The following AUTS2 variants were observed in gnomAD, a reference collection of about 807,000 sequenced individuals.
AUTS2 encodes the protein autism susceptibility gene 2 protein.
Under a neutral mutation model 112.4 loss-of-function variants are expected in AUTS2, and 17 were observed. The ratio of observed to expected loss-of-function variants is 0.15; its 90% CI spans 0.10 to 0.23. AUTS2 has a LOEUF of 0.23. Among genes scored for constraint, AUTS2 ranks in the 10% least tolerant of loss-of-function variants. AUTS2 has a pLI of 1.00. For synonymous variants in AUTS2, 751 were observed against 702.7 expected, an observed-to-expected ratio of 1.07 and a Z score of -1.09; for missense variants, 1,510 against 1,701.6, an observed-to-expected ratio of 0.89 and a Z score of 1.98.
At chr7:70,411,542 G>T (rs764050977) in intron 4 of AUTS2, among the ~76,000 whole-genome samples, 1 of 152,118 alleles carries the variant, frequency 6.6e-6, no homozygotes, top group Non-Finnish European at 1.5e-5. Context: ...GTGATACTGG[G>T]ATGTTGAAGC....
intron 1 of AUTS2, among the ~76,000 whole-genome samples, chr7:69,613,988 A>G (rs1168537318): frequency 6.6e-6 from 1 of 152,160 alleles, no homozygotes; most frequent in African/African-American, 2.4e-5. Context: ...CCACCCTGTT[A>G]AGGTTTGTTT....
rs1562944224 is a variant in AUTS2, at chr7:69,876,525, TATATATATATATATATATA to T, written c.310-22760_310-22742del. ...ATATATATATATATATATATATATA[TATATATATATATATATATA>T]TTTTCAGTGTTCATATAACAAATTT... On this transcript the variant is annotated intron_variant, in intron 1 of 18. Transcript: ENST00000342771. Among the ~76,000 whole-genome samples, 32 of 53,036 alleles carry T rather than the reference TATATATATATATATATATA, an allele frequency of 6.0e-4. 1 individual carries two copies. In the South Asian group the frequency reaches 7.2e-3, roughly 12 times the overall value. 34.8% of individuals were successfully genotyped at this position (53,036 alleles called of 152,430 possible).
intron 5 of AUTS2, among the ~76,000 whole-genome samples, chr7:70,616,753 G>GTTTTT (rs67691820): frequency 0.094 from 12,342 of 130,768 alleles, 645 homozygotes; most frequent in Middle Eastern, 0.17. Flanking sequence ...GTGTCGAATA[G>GTTTTT]TTTTTTTTTT....
chr7:70,003,675 GAATGTGTTATATATGAA>G (rs1299079570), intron 2 of AUTS2, among the ~76,000 whole-genome samples: 6 of 124,658 alleles, frequency 4.8e-5, no homozygotes, highest in Admixed American at 1.8e-4. Context: ...TAATATATAT[GAATGTGTTATATATGAA>G]TATATATAAT....
At chr7:70,075,192 A>G (rs1397740718) in intron 2 of AUTS2, among the ~76,000 whole-genome samples, 1 of 152,202 alleles carries the variant, frequency 6.6e-6, no homozygotes, top group African/African-American at 2.4e-5. Flanking sequence ...TCCATTGGCA[A>G]CAAGTCTCAA....
chr7:69,783,289 G>A (rs986319038), intron 1 of AUTS2, among the ~76,000 whole-genome samples: 1 of 152,018 alleles, frequency 6.6e-6, no homozygotes, highest in African/African-American at 2.4e-5. Context: ...CACTGGGACT[G>A]TTAGGATCAG....
At chr7:70,638,852 A>G (rs1348592538) in intron 5 of AUTS2, among the ~76,000 whole-genome samples, 1 of 152,224 alleles carries the variant, frequency 6.6e-6, no homozygotes, top group Admixed American at 6.5e-5. Context: ...TGTATTATAT[A>G]GACATCATAA....
intron 1 of AUTS2, among the ~76,000 whole-genome samples, chr7:69,850,398 CAAAAAAAAAAAAAAAAAAA>C (rs60553891): frequency 0.016 from 546 of 34,672 alleles, 7 homozygotes; most frequent in Non-Finnish European, 0.027. Context: ...AACTCTGTCT[CAAAAAAAAAAAAAAAAAAA>C]AAAAAAAAAA....
chr7:70,644,925 GGCCTCTGGTATTTCCTAAAC>G (rs1370429267), intron 5 of AUTS2, among the ~76,000 whole-genome samples: 6 of 152,150 alleles, frequency 3.9e-5, no homozygotes, highest in African/African-American at 1.4e-4. Context: ...CCAAGAGGCG[GGCCTCTGGTATTTCCTAAAC>G]GCTGGTGGCT....
intron 4 of AUTS2, among the ~76,000 whole-genome samples, chr7:70,277,778 C>T (rs1055220976): frequency 2.6e-5 from 4 of 151,930 alleles, no homozygotes; most frequent in Admixed American, 6.6e-5. Flanking sequence ...ATGTCAGGGC[C>T]CAGACTATGT....
At chr7:69,605,284 T>G (rs1310458152) in intron 1 of AUTS2, among the ~76,000 whole-genome samples, 2 of 152,294 alleles carry the variant, frequency 1.3e-5, no homozygotes, top group South Asian at 2.1e-4. Flanking sequence ...GGGAGCTGCT[T>G]CTTAAGCAGG....
At position 70,218,462 on chromosome 7, in the gene AUTS2, T is replaced by C. The variant is rs543401593; in HGVS notation, c.660+83891T>C. Among the ~76,000 whole-genome samples, 3 of 152,180 alleles carry C rather than the reference T, an allele frequency of 2.0e-5. No individual in the cohort carries two copies. The South Asian group carries it at 6.2e-4, about 32-fold the overall frequency. On this transcript the variant is annotated intron_variant, in intron 4 of 18. Transcript: ENST00000342771. ...GGGCACAGTAAGATGGCTCTGAAGGTATGCACAGTAGAGAAAGCCATGGTC... is the reference window on the plus strand; with the variant it reads ...GGGCACAGTAAGATGGCTCTGAAGGCATGCACAGTAGAGAAAGCCATGGTC...
chr7:70,214,288 A>G lies in AUTS2; in HGVS notation c.660+79717A>G, dbSNP rs191188849. On this transcript the variant is annotated intron_variant, in intron 4 of 18. Transcript: ENST00000342771. Reference sequence around the variant, plus strand: ...ATCTCTGAGCAAATAAAGGGAAAAGACAGGATTCCACCCAACCACATTTTT... The same window carrying G: ...ATCTCTGAGCAAATAAAGGGAAAAGGCAGGATTCCACCCAACCACATTTTT... Among the ~76,000 whole-genome samples, 76 of 152,306 alleles carry G rather than the reference A, an allele frequency of 5.0e-4. 1 individual carries two copies. The East Asian group carries it at 0.015, about 29-fold the overall frequency.
At chr7:70,357,094 C>T (rs140100622) in intron 4 of AUTS2, among the ~76,000 whole-genome samples, 8 of 152,132 alleles carry the variant, frequency 5.3e-5, no homozygotes, top group African/African-American at 1.9e-4. Flanking sequence ...GGTAGTTGGG[C>T]TCTAAGTGGG....
intron 4 of AUTS2, among the ~76,000 whole-genome samples, chr7:70,357,389 A>G (rs1471962647): frequency 6.6e-6 from 1 of 152,220 alleles, no homozygotes; most frequent in Non-Finnish European, 1.5e-5. Flanking sequence ...CAAGAGAGCC[A>G]TTTAAAACCT....
intron 1 of AUTS2, among the ~76,000 whole-genome samples, chr7:69,887,413 CAAAAAA>C (rs142082810): frequency 1.9e-5 from 1 of 53,048 alleles, no homozygotes; most frequent in African/African-American, 6.0e-5. Context: ...AAGACTTCAT[CAAAAAA>C]AAAAAAAAAA....
At chr7:70,081,188 C>T (rs574257093) in intron 2 of AUTS2, among the ~76,000 whole-genome samples, 5 of 151,888 alleles carry the variant, frequency 3.3e-5, no homozygotes, top group Middle Eastern at 3.4e-3. Context: ...GTCCTAGAAA[C>T]GTTATTATTA....
chr7:70,729,017 C>T, intron 6 of AUTS2: 1 of 364,094 alleles, frequency 2.7e-6, no homozygotes, highest in Admixed American at 3.1e-5. Context: ...GGCACCACCT[C>T]CGGGCAGGAT....
Position 70,112,139 on chromosome 7 carries a change from A to G in AUTS2, c.523-5993A>G, listed in dbSNP as rs145753849. Among the ~76,000 whole-genome samples, 115 of 151,992 alleles carry G rather than the reference A, an allele frequency of 7.6e-4. 1 individual carries two copies. The East Asian group carries it at 0.021, about 28-fold the overall frequency. On this transcript the variant is annotated intron_variant, in intron 2 of 18. Transcript: ENST00000342771. Reference sequence around the variant, plus strand: ...GTCCATGAGTTAACTTCTAGCAAAGATTTTACAACATAAGTTTTAAAATTT... The same window carrying G: ...GTCCATGAGTTAACTTCTAGCAAAGGTTTTACAACATAAGTTTTAAAATTT...
Sources: allele counts gnomAD v4.1 joint callset (sites outside exome capture counted in the v4.1 genomes callset), GRCh38; gene constraint gnomAD v4.1.1; transcripts MANE v1.5; gene names NCBI Gene and HGNC (gene_info 2026-07-23, HGNC 2026-07-21).